The following MRAS variants were observed in gnomAD, a reference collection of about 807,000 sequenced individuals.
MRAS encodes the protein muscle RAS oncogene homolog.
Under a neutral mutation model 20.9 loss-of-function variants are expected in MRAS, and 4 were observed. That is an observed-to-expected ratio of 0.19 (90% CI 0.09 to 0.44). The LOEUF is 0.44. Among genes scored for constraint, MRAS ranks in the 20% least tolerant of loss-of-function variants. The pLI is 0.99. For synonymous variants in MRAS, 98 were observed against 102.9 expected, an observed-to-expected ratio of 0.95 and a Z score of 0.29; for missense variants, 154 against 277.5, an observed-to-expected ratio of 0.56 and a Z score of 3.16.
chr3:138,386,108 C>T (rs552883574), intron 2 of MRAS, among the ~76,000 whole-genome samples: 14 of 152,228 alleles, frequency 9.2e-5, no homozygotes, highest in Admixed American at 2.0e-4. Flanking sequence ...AGAATTCACA[C>T]GCACAGTTCA....
chr3:138,402,136 G>T, intron 5 of MRAS, 34 bp from the exon 6 acceptor site: 1 of 1,602,056 alleles, frequency 6.2e-7, no homozygotes, highest in South Asian at 1.1e-5. Flanking sequence ...AGCCCATTCT[G>T]ACTTTGTCTT....
intron 1 of MRAS, among the ~76,000 whole-genome samples, chr3:138,366,911 G>A (rs2054571464): frequency 6.6e-6 from 1 of 152,228 alleles, no homozygotes; most frequent in South Asian, 2.1e-4. Flanking sequence ...ATCTGTAGCT[G>A]AAGCCATTCG....
chr3:138,373,648 C>T (rs1216764141), intron 2 of MRAS, among the ~76,000 whole-genome samples: 1 of 152,174 alleles, frequency 6.6e-6, no homozygotes, highest in South Asian at 2.1e-4. Context: ...AACACACCCT[C>T]GAGGAGATGC....
chr3:138,396,906 G>C (rs1489324204), intron 2 of MRAS, among the ~76,000 whole-genome samples: 1 of 152,146 alleles, frequency 6.6e-6, no homozygotes, highest in East Asian at 1.9e-4. Flanking sequence ...AGGAGGAAAG[G>C]GGAAGCTCAG....
chr3:138,400,583 A>G lies in MRAS; in HGVS notation c.497A>G (p.Lys166Arg), dbSNP rs777312436. 2 of 1,613,538 alleles carry G rather than the reference A, an allele frequency of 1.2e-6. No individual in the cohort carries two copies. Among genetic ancestry groups the G allele is most frequent in the South Asian group, 2.2e-5 (2 of 91,078 alleles). The change falls in exon 5 of 6, where the codon AAA becomes AGA. Residue 166 changes from lysine to arginine, a missense_variant. Around this residue, in one of 3 missense-constraint regions of MRAS, gnomAD observed 125 missense variants for 213.5 expected, o/e 0.59. Coordinates refer to ENST00000423968, the MANE Select transcript of MRAS (RefSeq NM_001085049.3). ...SAKDPPLNVDKAFHDLVRVIR... is the reference protein window; with the variant it reads ...SAKDPPLNVDRAFHDLVRVIR... Reference sequence around the variant, plus strand: ...AAGGACCCACCTCTCAATGTCGACAAAGCCTTCCATGACCTCGTTAGAGTA... The same window carrying G: ...AAGGACCCACCTCTCAATGTCGACAGAGCCTTCCATGACCTCGTTAGAGTA...
intron 2 of MRAS, among the ~76,000 whole-genome samples, chr3:138,395,376 C>CA (rs887045844): frequency 6.6e-6 from 1 of 152,156 alleles, no homozygotes; most frequent in African/African-American, 2.4e-5. Context: ...CCAGTGGCCC[C>CA]AGTCTTGCTT....
intron 1 of MRAS, among the ~76,000 whole-genome samples, chr3:138,350,987 G>A (rs919724163): frequency 2.0e-5 from 3 of 151,916 alleles, no homozygotes; most frequent in African/African-American, 7.3e-5. Flanking sequence ...TTACCCTTGG[G>A]GTTGGTTTGG....
intron 2 of MRAS, among the ~76,000 whole-genome samples, chr3:138,379,539 G>A (rs1246825915): frequency 6.6e-6 from 1 of 152,020 alleles, no homozygotes; most frequent in African/African-American, 2.4e-5. Context: ...TGTATTTTTA[G>A]TAGAGATGGG....
At chr3:138,383,637 G>A (rs535209547) in intron 2 of MRAS, among the ~76,000 whole-genome samples, 1 of 152,256 alleles carries the variant, frequency 6.6e-6, no homozygotes, top group Admixed American at 6.5e-5. Flanking sequence ...ATACCTCTCC[G>A]CCCAGAGTTG....
intron 1 of MRAS, among the ~76,000 whole-genome samples, chr3:138,369,945 G>A (rs149533050): frequency 1.6e-4 from 25 of 152,274 alleles, no homozygotes; most frequent in Middle Eastern, 3.4e-3. Context: ...AAAGACAAAC[G>A]GTTTTCCTTT....
intron 1 of MRAS, among the ~76,000 whole-genome samples, chr3:138,368,603 G>A (rs2054612591): frequency 6.6e-6 from 1 of 152,014 alleles, no homozygotes; most frequent in Admixed American, 6.6e-5. Flanking sequence ...CACCTCAAAG[G>A]GTCACATCCA....
intron 2 of MRAS, among the ~76,000 whole-genome samples, chr3:138,390,057 G>T (rs558514312): frequency 4.1e-5 from 6 of 146,958 alleles, no homozygotes; most frequent in African/African-American, 1.5e-4. Flanking sequence ...GCAGAGAAAA[G>T]GGGGAGAGGT....
intron 1 of MRAS, among the ~76,000 whole-genome samples, chr3:138,358,346 C>A (rs546415898): frequency 8.7e-5 from 13 of 150,090 alleles, no homozygotes; most frequent in South Asian, 2.1e-4. Context: ...AAAAAAAAAA[C>A]AAAGATATAA....
At chr3:138,397,656 T>A (rs1198997355) in intron 3 of MRAS, among the ~76,000 whole-genome samples, 179 bp downstream of exon 3, 1 of 152,232 alleles carries the variant, frequency 6.6e-6, no homozygotes, top group East Asian at 1.9e-4. Flanking sequence ...CATTTGGCCT[T>A]GTTGATTCTC....
chr3:138,400,227 T>G (rs1346023217), intron 4 of MRAS: 3 of 268,114 alleles, frequency 1.1e-5, no homozygotes, highest in Non-Finnish European at 2.1e-5. Flanking sequence ...TCAGAATGTA[T>G]TTTTGATAAA....
At chr3:138,381,153 A>G (rs1209331501) in intron 2 of MRAS, among the ~76,000 whole-genome samples, 1 of 152,220 alleles carries the variant, frequency 6.6e-6, no homozygotes, top group Admixed American at 6.5e-5. Context: ...GTGGATGGAC[A>G]CTTGGGTGGT....
At position 138,400,840 on chromosome 3, in the gene MRAS, C is replaced by T. The variant is rs2306373; in HGVS notation, c.527+227C>T. Among the ~76,000 whole-genome samples the T allele has an allele frequency of 5.2e-4, 79 of 152,316 alleles. 3 individuals are homozygous for T. The East Asian group carries it at 0.015, about 29-fold the overall frequency. ...GGGTTTGTGGGTGATGTCTGCTGCA[C>T]ATGTTAAGTGGAAATGCCTTCCTGT... On this transcript the variant is annotated intron_variant, in intron 5 of 5. Coordinates refer to ENST00000423968, the MANE Select transcript of MRAS (RefSeq NM_001085049.3).
chr3:138,369,222 G>C (rs1199337), intron 1 of MRAS, among the ~76,000 whole-genome samples: 28,899 of 152,200 alleles, frequency 0.19, 2,988 homozygotes, highest in African/African-American at 0.28. Context: ...GCTGTGCCAG[G>C]CTCTGGGAGT....
At chr3:138,383,306 T>C (rs890900867) in intron 2 of MRAS, among the ~76,000 whole-genome samples, 1 of 152,140 alleles carries the variant, frequency 6.6e-6, no homozygotes, top group Non-Finnish European at 1.5e-5. Flanking sequence ...CAGTGATTGC[T>C]TTAATGTGAT....
Sources: allele counts gnomAD v4.1 joint callset (sites outside exome capture counted in the v4.1 genomes callset), GRCh38; gene constraint gnomAD v4.1.1; regional missense constraint gnomAD v4.1.1; transcripts MANE v1.5; gene names NCBI Gene and HGNC (gene_info 2026-07-23, HGNC 2026-07-21).